Variants in GLI3 observed in about 807,000 individuals in gnomAD.
GLI3 encodes transcription activator GLI3.
A neutral mutation model predicts 100.8 loss-of-function variants in GLI3; 20 were observed. The ratio of observed to expected loss-of-function variants is 0.20; its 90% confidence interval spans 0.14 to 0.29. The LOEUF (loss-of-function observed/expected upper bound fraction) is 0.29, where lower values mean the gene tolerates loss of function less well. Ranked by LOEUF, GLI3 falls within the 10% of genes least tolerant of loss-of-function variation. GLI3 has a pLI of 1.00. For missense variants in GLI3, 2,040 were observed against 2,128.5 expected, an observed-to-expected ratio of 0.96 and a Z score of 0.82; for synonymous variants, 938 against 860.5, an observed-to-expected ratio of 1.09 and a Z score of -1.58.
At chr7:42,061,734 A>T (rs1784572958) in intron 4 of GLI3, among the ~76,000 whole-genome samples, 1 of 152,214 alleles carries the variant, frequency 6.6e-6, no homozygotes. Flanking sequence ...ATTAAATTAC[A>T]TATGGAAAAG....
chr7:42,214,083 A>G (rs1285700087), intron 2 of GLI3, among the ~76,000 whole-genome samples: 3 of 152,026 alleles, frequency 2.0e-5, no homozygotes, highest in African/African-American at 4.8e-5. Context: ...TCAATTGCAA[A>G]CTCCAAGGCC....
chr7:42,246,805 C>A (rs1244137954), intron 1 of GLI3, among the ~76,000 whole-genome samples: 1 of 94,974 alleles, frequency 1.1e-5, no homozygotes, highest in Admixed American at 1.2e-4. Flanking sequence ...ATGATAGAAT[C>A]TTTTTTTTTT....
intron 2 of GLI3, among the ~76,000 whole-genome samples, chr7:42,216,874 C>T (rs1788388384): frequency 6.6e-6 from 1 of 152,170 alleles, no homozygotes; most frequent in Non-Finnish European, 1.5e-5. Flanking sequence ...GGGATAGTAG[C>T]ATATCTACTT....
intron 2 of GLI3, among the ~76,000 whole-genome samples, chr7:42,204,646 T>C (rs543152426): frequency 3.3e-5 from 5 of 152,372 alleles, no homozygotes; most frequent in South Asian, 4.1e-4. Context: ...CTTACACTTA[T>C]AACTGCAAAG....
intron 3 of GLI3, among the ~76,000 whole-genome samples, chr7:42,138,845 C>T (rs929461976): frequency 6.6e-6 from 1 of 152,200 alleles, no homozygotes; most frequent in Non-Finnish European, 1.5e-5. Context: ...GTAAACACCC[C>T]GCTTCCTAGA....
At chr7:42,088,495 G>T in intron 3 of GLI3, among the ~76,000 whole-genome samples, 1 of 152,224 alleles carries the variant, frequency 6.6e-6, no homozygotes, top group African/African-American at 2.4e-5. Flanking sequence ...GACTATCTCT[G>T]ACCGTCCACC....
intron 3 of GLI3, among the ~76,000 whole-genome samples, chr7:42,119,655 T>C (rs981471990): frequency 2.0e-5 from 3 of 152,048 alleles, no homozygotes; most frequent in African/African-American, 4.8e-5. Context: ...TATAGAAAAA[T>C]ACAGTCACTT....
intron 4 of GLI3, among the ~76,000 whole-genome samples, chr7:42,068,487 T>C (rs192584734): frequency 1.3e-5 from 2 of 152,356 alleles, no homozygotes; most frequent in East Asian, 1.9e-4. Context: ...TTCCTTTTAG[T>C]GTGCTTAGCT....
chr7:42,102,958 T>A (rs1785499130), intron 3 of GLI3, among the ~76,000 whole-genome samples: 1 of 152,240 alleles, frequency 6.6e-6, no homozygotes. Flanking sequence ...TGCAGATAGA[T>A]GCTGAGTTAA....
At chr7:42,238,086 C>A (rs1186524891), upstream of GLI3, among the ~76,000 whole-genome samples, 4 of 150,930 alleles carry the variant, frequency 2.7e-5, no homozygotes, top group Non-Finnish European at 5.9e-5. Flanking sequence ...TTCATGCCTG[C>A]TCCTCCTCTT....
chr7:42,193,620 G>C (rs1787871125), intron 2 of GLI3, among the ~76,000 whole-genome samples: 1 of 152,154 alleles, frequency 6.6e-6, no homozygotes, highest in South Asian at 2.1e-4. Flanking sequence ...CTTTGATGAA[G>C]AACTATCTGA....
intron 3 of GLI3, among the ~76,000 whole-genome samples, chr7:42,116,597 C>G (rs1415403232): frequency 6.6e-6 from 1 of 151,920 alleles, no homozygotes; most frequent in Non-Finnish European, 1.5e-5. Context: ...ATATGAACAA[C>G]TTAAAAATTG....
intron 10 of GLI3, among the ~76,000 whole-genome samples, chr7:41,999,102 A>C (rs923891853): frequency 2.6e-5 from 4 of 152,220 alleles, no homozygotes; most frequent in Non-Finnish European, 5.9e-5. Context: ...AGAGGGTAGC[A>C]TATCATTTTC....
At chr7:42,076,905 C>G (rs930486731) in intron 3 of GLI3, 48 bp from the exon 4 acceptor site, 2 of 1,104,362 alleles carry the variant, frequency 1.8e-6, no homozygotes, top group Non-Finnish European at 2.8e-6. Flanking sequence ...CACTTTCAAA[C>G]AGCATTCCGA....
intron 2 of GLI3, among the ~76,000 whole-genome samples, chr7:42,182,448 T>A (rs12533569): frequency 0.13 from 19,109 of 150,292 alleles, 1,574 homozygotes; most frequent in Non-Finnish European, 0.18. Flanking sequence ...ATTAAAAAAA[T>A]AATAATAATA....
chr7:42,069,451 G>A (rs1222205430), intron 4 of GLI3, among the ~76,000 whole-genome samples: 1 of 152,154 alleles, frequency 6.6e-6, no homozygotes, highest in Non-Finnish European at 1.5e-5. Flanking sequence ...ATGTATGTAG[G>A]TGGCCTAAGA....
At chr7:42,120,998 A>G (rs996291172) in intron 3 of GLI3, among the ~76,000 whole-genome samples, 1 of 152,208 alleles carries the variant, frequency 6.6e-6, no homozygotes, top group African/African-American at 2.4e-5. Context: ...AACCACCACC[A>G]AAAAGAGATA....
At chr7:42,152,509 A>C (rs1225771896) in intron 2 of GLI3, 1 of 733,076 alleles carries the variant, frequency 1.4e-6, no homozygotes, top group East Asian at 1.3e-4. Flanking sequence ...GAGGAATTAA[A>C]AGTGGTTGGA....
chr7:42,182,912 T>C (rs527459866), intron 2 of GLI3, among the ~76,000 whole-genome samples: 1 of 151,678 alleles, frequency 6.6e-6, no homozygotes, highest in Non-Finnish European at 1.5e-5. Context: ...CGAAACCCTG[T>C]CTCTACTAAA....
Sources: gnomAD v4.1 joint callset for allele counts (sites outside exome capture counted in the v4.1 genomes callset) on GRCh38, gnomAD v4.1.1 for gene constraint, MANE v1.5 for transcripts, NCBI Gene and HGNC (gene_info 2026-07-23, HGNC 2026-07-21) for gene names.